The following WASHC4 variants were observed in gnomAD, a reference collection of about 807,000 sequenced individuals.
WASHC4 encodes WASH complex subunit 7.
A neutral mutation model predicts 166.6 loss-of-function variants in WASHC4; 86 were observed. That is an observed-to-expected ratio of 0.52 (90% CI 0.43 to 0.62). WASHC4 has a LOEUF of 0.62. Ranked by LOEUF, WASHC4 falls within the 20% of genes least tolerant of loss-of-function variation. WASHC4 has a pLI of 0.00. For synonymous variants in WASHC4, 446 were observed against 451.6 expected (o/e 0.99, Z 0.16); for missense variants, 1,262 against 1,382.4 (o/e 0.91, Z 1.38).
chr12:105,163,128 T>C (rs1255679115), intron 30 of WASHC4, among the ~76,000 whole-genome samples: 4 of 151,748 alleles, frequency 2.6e-5, no homozygotes, highest in African/African-American at 9.7e-5. Flanking sequence ...GCCTAATTTT[T>C]TTTGCATTTT....
chr12:105,107,760 A>C lies in WASHC4; in HGVS notation c.-41A>C, dbSNP rs1269052274. On this transcript the variant is annotated 5_prime_UTR_variant, in exon 1 of 33. Transcript: ENST00000332180. The stretch of plus-strand genomic sequence containing the variant: ...GCTGGGGTGAGGCCGTCGTCGCCGC[A>C]CGGGCTGGTTGGGGCTGTGTCTGTG... The C allele has an allele frequency of 1.3e-6, 2 of 1,485,812 alleles. No homozygotes were observed. The highest frequency in any genetic ancestry group is 4.0e-5 in the Admixed American group (2 of 50,392). 92.0% of individuals were successfully genotyped at this position (1,485,812 alleles called of 1,614,324 possible).
intron 13 of WASHC4, among the ~76,000 whole-genome samples, chr12:105,129,041 G>A (rs747652350): frequency 2.6e-5 from 4 of 151,790 alleles, no homozygotes; most frequent in African/African-American, 4.8e-5. Flanking sequence ...CGCCTCCTGG[G>A]TTCATGTGAT....
intron 22 of WASHC4, among the ~76,000 whole-genome samples, chr12:105,146,015 C>T (rs1287304835): frequency 6.6e-6 from 1 of 152,076 alleles, no homozygotes; most frequent in Middle Eastern, 3.2e-3. Context: ...AATGATACCT[C>T]ATATTTTAGA....
intron 6 of WASHC4, among the ~76,000 whole-genome samples, chr12:105,116,525 G>A (rs1290999045): frequency 2.6e-5 from 4 of 152,132 alleles, no homozygotes; most frequent in Admixed American, 2.0e-4. Context: ...TATGTAAGAT[G>A]AGTAAGTCTA....
At chr12:105,124,795 G>A (rs941682291) in intron 10 of WASHC4, among the ~76,000 whole-genome samples, 1 of 152,104 alleles carries the variant, frequency 6.6e-6, no homozygotes, top group Admixed American at 6.5e-5. Context: ...AGGTTTTTAA[G>A]ACAACCCTTA....
chr12:105,142,815 C>G (rs1035107069), intron 19 of WASHC4, among the ~76,000 whole-genome samples: 1 of 151,904 alleles, frequency 6.6e-6, no homozygotes, highest in Non-Finnish European at 1.5e-5. Context: ...AGTAATCTGA[C>G]ATTTACTCAT....
chr12:105,156,101 A>G (rs1884145437), intron 26 of WASHC4, among the ~76,000 whole-genome samples: 1 of 152,194 alleles, frequency 6.6e-6, no homozygotes, highest in Non-Finnish European at 1.5e-5. Context: ...TTGCCCAGTC[A>G]TTTTGATTAT....
chr12:105,124,235 T>G (rs376529027), intron 10 of WASHC4, among the ~76,000 whole-genome samples: 1 of 151,396 alleles, frequency 6.6e-6, no homozygotes, highest in African/African-American at 2.4e-5. Flanking sequence ...TTCTCCTGCC[T>G]CAGCCTCCCG....
At chr12:105,111,396 G>T (rs1879667117) in intron 2 of WASHC4, 132 bp downstream of exon 2, 1 of 645,664 alleles carries the variant, frequency 1.5e-6, no homozygotes, top group Non-Finnish European at 2.6e-6. Flanking sequence ...GGAGAAAATT[G>T]TTAATTTCCT....
chr12:105,133,040 A>G (rs138901013), intron 13 of WASHC4, among the ~76,000 whole-genome samples: 1 of 152,014 alleles, frequency 6.6e-6, no homozygotes, highest in East Asian at 1.9e-4. Context: ...TCCTCTTGAA[A>G]CTAAACTTAG....
At chr12:105,141,287 G>A in intron 18 of WASHC4, 41 bp downstream of exon 18, 2 of 1,278,220 alleles carry the variant, frequency 1.6e-6, no homozygotes, top group Non-Finnish European at 2.3e-6. Flanking sequence ...CCAAAGACAG[G>A]GTTAATAGAA....
chr12:105,144,335 T>C lies in WASHC4; in HGVS notation c.2059T>C (p.Ser687Pro). ...CKEIEKDLRLSVHTHLKLDDR... is the reference protein window; with the variant it reads ...CKEIEKDLRLPVHTHLKLDDR... ...AGAAATAGAGAAAGATCTGCGACTTTCTGTGCATACTCATTTAAAGCTGGA... is the reference window on the plus strand; with the variant it reads ...AGAAATAGAGAAAGATCTGCGACTTCCTGTGCATACTCATTTAAAGCTGGA... The change falls in exon 21 of 33, where the codon TCT becomes CCT. Residue 687 changes from serine to proline, a missense_variant. Physicochemically the swap from Ser to Pro is moderately conservative, Grantham distance 74 (BLOSUM62 -1). Transcript: ENST00000332180. 6.2e-7 allele frequency: 1 copy of C among 1,613,338 alleles called. No individual in the cohort carries two copies. The highest frequency in any genetic ancestry group is 8.5e-7 in the Non-Finnish European group (1 of 1,179,432).
At chr12:105,123,306 C>A (rs79548555) in intron 10 of WASHC4, among the ~76,000 whole-genome samples, 2 of 152,014 alleles carry the variant, frequency 1.3e-5, no homozygotes, top group African/African-American at 4.8e-5. Flanking sequence ...GAGGGAGACT[C>A]CATCTTTTAG....
intron 15 of WASHC4, among the ~76,000 whole-genome samples, chr12:105,139,779 A>G (rs1237280754): frequency 6.6e-6 from 1 of 151,600 alleles, no homozygotes; most frequent in African/African-American, 2.4e-5. Context: ...CCTGGTAGAT[A>G]TTTTGTGATA....
chr12:105,113,938 AT>A (rs1449339065), intron 2 of WASHC4, among the ~76,000 whole-genome samples: 4 of 151,970 alleles, frequency 2.6e-5, no homozygotes, highest in Admixed American at 6.6e-5. Flanking sequence ...TAATGTTACT[AT>A]TACCTTATTA....
rs1379724849 is a variant in WASHC4 at position 105,107,869 on chromosome 12, A to C, written c.61+8A>C. 2.6e-6 allele frequency: 4 copies of C among 1,545,890 alleles called. No individual in the cohort carries two copies. The Admixed American group carries it at 5.9e-5, about 23-fold the overall frequency. ...TTGACGACGGCTCGCAGAGTAAGGGAGCTGCAGGGCGAGGGCTGCGGGTGG... is the reference window on the plus strand; with the variant it reads ...TTGACGACGGCTCGCAGAGTAAGGGCGCTGCAGGGCGAGGGCTGCGGGTGG... On this transcript the variant is annotated splice_region_variant and intron_variant, in intron 1 of 32. Transcript: ENST00000332180.
rs1298849142 is a variant in WASHC4, at chr12:105,108,205, T to A, written c.61+344T>A. On this transcript the variant is annotated intron_variant, in intron 1 of 32. Transcript: ENST00000332180. ...AGCGGCCCCGGGATCCCAGGCTGCTTCTGTCTCTGGCCTCTTGGGGATTTC... is the reference window on the plus strand; with the variant it reads ...AGCGGCCCCGGGATCCCAGGCTGCTACTGTCTCTGGCCTCTTGGGGATTTC... Among the ~76,000 whole-genome samples, 5 of 152,280 alleles carry A rather than the reference T, an allele frequency of 3.3e-5. No homozygotes were observed. The East Asian group carries it at 9.7e-4, about 29-fold the overall frequency.
chr12:105,151,353 A>G (rs902994731), intron 25 of WASHC4, among the ~76,000 whole-genome samples: 2 of 152,174 alleles, frequency 1.3e-5, no homozygotes, highest in African/African-American at 4.8e-5. Context: ...TTTTCTTAAG[A>G]TACACCTATT....
At chr12:105,138,488 G>A (rs1460603488) in intron 15 of WASHC4, among the ~76,000 whole-genome samples, 1 of 151,984 alleles carries the variant, frequency 6.6e-6, no homozygotes. Flanking sequence ...TTTGAACAGT[G>A]GACTACTTAC....
Sources: allele counts gnomAD v4.1 joint callset (sites outside exome capture counted in the v4.1 genomes callset), GRCh38; gene constraint gnomAD v4.1.1; transcripts MANE v1.5; gene names NCBI Gene and HGNC (gene_info 2026-07-23, HGNC 2026-07-21).